Variants in NCOA7 observed in about 807,000 individuals in gnomAD.
NCOA7 encodes nuclear receptor coactivator 7, also known as 140 kDa estrogen receptor-associated protein.
In NCOA7, 45 loss-of-function variants were observed where a neutral mutation model predicts 104.3. The observed-to-expected ratio is 0.43, with a 90% CI of 0.34 to 0.55. NCOA7 has a LOEUF of 0.55. NCOA7 is among the 20% of genes least tolerant of loss of function. The pLI is 0.02. For synonymous variants in NCOA7, 398 were observed against 402.3 expected, an observed-to-expected ratio of 0.99 and a Z score of 0.13; for missense variants, 1,041 against 1,119.7, an observed-to-expected ratio of 0.93 and a Z score of 1.00.
intron 15 of NCOA7, among the ~76,000 whole-genome samples, 192 bp downstream of exon 15, chr6:125,928,439 A>G (rs574795870): frequency 1.6e-3 from 251 of 152,282 alleles, no homozygotes; most frequent in African/African-American, 5.3e-3. Flanking sequence ...TATGTGTCTA[A>G]TGAGAGACTG....
intron 3 of NCOA7, among the ~76,000 whole-genome samples, chr6:125,861,374 T>C (rs912686539): frequency 6.6e-6 from 1 of 152,228 alleles, no homozygotes; most frequent in African/African-American, 2.4e-5. Flanking sequence ...GCCAAAGTTA[T>C]GTTATATTTG....
In NCOA7 at chr6:125,930,858, A is replaced by G. The variant is rs1788427103; in HGVS notation, c.*2087A>G. ...AGGAATGTCTCATGATATCACGTTT[A>G]CCATTTACACCATCTGCAACCATAT... is the stretch of plus-strand genomic sequence containing the variant. On this transcript the variant is annotated 3_prime_UTR_variant, in exon 16 of 16. Coordinates refer to ENST00000392477, the MANE Select transcript of NCOA7 (RefSeq NM_181782.5). 1 of 152,554 alleles carries G rather than the reference A, an allele frequency of 6.6e-6. No homozygotes were observed. The highest frequency in any genetic ancestry group is 1.5e-5 in the Non-Finnish European group (1 of 68,032). The allele number at this position is 152,554 out of a possible 1,614,324, so 9.5% of individuals were successfully genotyped here.
intron 1 of NCOA7, among the ~76,000 whole-genome samples, chr6:125,805,087 CTT>C (rs59737297): frequency 1.7e-5 from 1 of 58,036 alleles, no homozygotes; most frequent in Non-Finnish European, 3.4e-5. Flanking sequence ...CCCTCTTGTT[CTT>C]TTTTTTTTTT....
At chr6:125,851,656 TTTC>T (rs1181638352) in intron 2 of NCOA7, among the ~76,000 whole-genome samples, 2 of 152,234 alleles carry the variant, frequency 1.3e-5, no homozygotes, top group African/African-American at 4.8e-5. Flanking sequence ...ATACTTTTAA[TTTC>T]TTCGAGAAAT....
At chr6:125,822,271 T>A (rs1379452208) in intron 2 of NCOA7, among the ~76,000 whole-genome samples, 1 of 152,230 alleles carries the variant, frequency 6.6e-6, no homozygotes, top group African/African-American at 2.4e-5. Context: ...AATAGAACAG[T>A]TTTAAGTACT....
intron 3 of NCOA7, among the ~76,000 whole-genome samples, chr6:125,860,875 A>G (rs185777543): frequency 1.9e-4 from 29 of 152,326 alleles, no homozygotes; most frequent in Admixed American, 3.3e-4. Flanking sequence ...AAAATATATT[A>G]TTATGATTAT....
chr6:125,801,616 C>T (rs548623376), intron 1 of NCOA7, among the ~76,000 whole-genome samples: 58 of 152,148 alleles, frequency 3.8e-4, no homozygotes, highest in Non-Finnish European at 6.9e-4. Context: ...GCCGTGTTCC[C>T]GCTGAAACTG....
At chr6:125,796,029 A>G (rs1308580110) in intron 1 of NCOA7, among the ~76,000 whole-genome samples, 1 of 152,056 alleles carries the variant, frequency 6.6e-6, no homozygotes, top group Non-Finnish European at 1.5e-5. Flanking sequence ...CTCTGCTTGG[A>G]ACATGCTGTC....
rs774519733 is a variant in NCOA7, at chr6:125,920,934, T to C, written c.2245-9T>C. On this transcript the variant is annotated splice_polypyrimidine_tract_variant and intron_variant, in intron 11 of 15. Transcript: ENST00000392477. ...AAGTTATTTTTCTTGGCTTGTTTTC[T>C]CATTTCAGATCATCACTGTTGAAGA... 4.3e-6 allele frequency: 7 copies of C among 1,610,728 alleles called. No individual in the cohort carries two copies. The highest frequency in any genetic ancestry group is 5.9e-6 in the Non-Finnish European group (7 of 1,178,114).
At chr6:125,910,193 A>G (rs1786397557) in intron 10 of NCOA7, among the ~76,000 whole-genome samples, 1 of 152,228 alleles carries the variant, frequency 6.6e-6, no homozygotes, top group African/African-American at 2.4e-5. Context: ...AACATCGGGC[A>G]TAGCTGTGAA....
intron 2 of NCOA7, among the ~76,000 whole-genome samples, chr6:125,850,903 C>A (rs1781068739): frequency 6.6e-6 from 1 of 152,006 alleles, no homozygotes; most frequent in South Asian, 2.1e-4. Context: ...ATAATTTGAG[C>A]CTCACGCAGG....
chr6:125,790,512 G>A (rs1029149442), upstream of NCOA7, among the ~76,000 whole-genome samples: 7 of 152,126 alleles, frequency 4.6e-5, no homozygotes, highest in African/African-American at 1.7e-4. Context: ...CGGGATCGCG[G>A]CAGCGGAGGC....
In NCOA7 at chr6:125,862,231, A is replaced by C. The variant is rs150256516; in HGVS notation, c.271+6991A>C. ...AAACTCATGCCTAAGTGGAGAAATA[A>C]GAGCTTACCTTAGTTAGGCAGAATT... On this transcript the variant is annotated intron_variant, in intron 3 of 15. Coordinates refer to ENST00000392477, the MANE Select transcript of NCOA7 (RefSeq NM_181782.5). 7.3e-5 allele frequency among the ~76,000 whole-genome samples: 10 copies of C among 136,812 alleles called. 2 individuals are homozygous for C. In the East Asian group the frequency reaches 2.1e-3, roughly 29 times the overall value. The allele number at this position is 136,812 out of a possible 152,430, so 89.8% of individuals were successfully genotyped here.
chr6:125,784,987 A>AACACACACACAC (rs3084325), intron 1 of NCOA7, among the ~76,000 whole-genome samples: 258 of 148,410 alleles, frequency 1.7e-3, no homozygotes, highest in African/African-American at 6.0e-3. Flanking sequence ...GTTGCATATA[A>AACACACACACAC]ACACACACAC....
intron 2 of NCOA7, among the ~76,000 whole-genome samples, chr6:125,823,207 C>T (rs1365051667): frequency 1.3e-5 from 2 of 152,158 alleles, no homozygotes; most frequent in Non-Finnish European, 2.9e-5. Context: ...GGTGGAGACT[C>T]TCCAATCGTT....
chr6:125,930,939 A>G lies in NCOA7; in HGVS notation c.*2168A>G, dbSNP rs1169219392. On this transcript the variant is annotated 3_prime_UTR_variant, in exon 16 of 16. Coordinates refer to ENST00000392477, the MANE Select transcript of NCOA7 (RefSeq NM_181782.5). ...GTCATTTTGCATATACTTCACTCTGACCTAGTTTAGTCCATGATACTATAA... is the reference window on the plus strand; with the variant it reads ...GTCATTTTGCATATACTTCACTCTGGCCTAGTTTAGTCCATGATACTATAA... The G allele has an allele frequency of 6.6e-6, 1 of 152,652 alleles. No individual in the cohort carries two copies. Among genetic ancestry groups the G allele is most frequent in the Non-Finnish European group, 1.5e-5 (1 of 68,042 alleles). 9.5% of individuals were successfully genotyped at this position (152,652 alleles called of 1,614,324 possible).
chr6:125,896,486 T>C (rs1193326166), intron 10 of NCOA7, among the ~76,000 whole-genome samples: 1 of 152,190 alleles, frequency 6.6e-6, no homozygotes, highest in Non-Finnish European at 1.5e-5. Flanking sequence ...TTCTGTGTGA[T>C]TCCTTTAATA....
At chr6:125,926,470 C>T (rs1166624385) in intron 13 of NCOA7, among the ~76,000 whole-genome samples, 1 of 152,110 alleles carries the variant, frequency 6.6e-6, no homozygotes, top group Non-Finnish European at 1.5e-5. Context: ...ATTTTAACCC[C>T]ATGCTTTTAA....
intron 3 of NCOA7, among the ~76,000 whole-genome samples, chr6:125,857,565 AT>A (rs1202500007): frequency 1.7e-3 from 237 of 141,814 alleles, no homozygotes; most frequent in Middle Eastern, 3.8e-3. Context: ...CTCCCAAAGC[AT>A]TTTTTTTTTT....
Sources: gnomAD v4.1 joint callset for allele counts (sites outside exome capture counted in the v4.1 genomes callset) on GRCh38, gnomAD v4.1.1 for gene constraint, MANE v1.5 for transcripts, NCBI Gene and HGNC (gene_info 2026-07-23, HGNC 2026-07-21) for gene names.